The following CTNND2 variants were observed in gnomAD, a reference collection of about 807,000 sequenced individuals.
CTNND2 encodes the protein catenin delta 2.
In CTNND2, 22 loss-of-function variants were observed where a neutral mutation model predicts 144.4. The observed-to-expected ratio is 0.15, with a 90% confidence interval of 0.11 to 0.22. The LOEUF is 0.22. CTNND2 is among the 10% of genes least tolerant of loss of function. The pLI, the probability that CTNND2 is intolerant of heterozygous loss-of-function variation, is 1.00. For synonymous variants in CTNND2, 751 were observed against 695.6 expected (o/e 1.08, Z -1.25); for missense variants, 1,353 against 1,618.8 (o/e 0.84, Z 2.82).
In CTNND2 at chr5:11,123,656, G is replaced by T. The variant is rs576285480; in HGVS notation, c.2160-6089C>A. ...CTCTGCTGCATCAGAATCAGCTTTG[G>T]AGCTTGATTAAAATACAAAGGCGCA... is the stretch of plus-strand genomic sequence containing the variant. On this transcript the variant is annotated intron_variant, in intron 12 of 21. Coordinates refer to ENST00000304623, the MANE Select transcript of CTNND2 (RefSeq NM_001332.4). 4.9e-4 allele frequency among the ~76,000 whole-genome samples: 75 copies of T among 152,330 alleles called. 1 individual carries two copies. Among genetic ancestry groups the T allele is most frequent in the African/African-American group, 1.8e-3 (73 of 41,558 alleles).
At chr5:11,039,611 G>A (rs1347191946) in intron 16 of CTNND2, among the ~76,000 whole-genome samples, 1 of 152,146 alleles carries the variant, frequency 6.6e-6, no homozygotes, top group Non-Finnish European at 1.5e-5. Flanking sequence ...TAATTGATTA[G>A]AGATTTATTC....
intron 9 of CTNND2, among the ~76,000 whole-genome samples, chr5:11,261,820 C>T (rs934215752): frequency 6.6e-6 from 1 of 152,112 alleles, no homozygotes; most frequent in South Asian, 2.1e-4. Flanking sequence ...TGAATGGGCC[C>T]ACAATTTTCC....
At chr5:11,781,793 A>T (rs960473153) in intron 1 of CTNND2, among the ~76,000 whole-genome samples, 3 of 152,214 alleles carry the variant, frequency 2.0e-5, no homozygotes, top group African/African-American at 7.2e-5. Context: ...TACCCATTTG[A>T]TCTTCTCCCC....
rs1757616655 is a variant in CTNND2, at chr5:11,150,246, C to T, written c.2159+9330G>A. On this transcript the variant is annotated intron_variant, in intron 12 of 21. Transcript: ENST00000304623. ...GAAAAGAACCCAGGGAACCAGACCT[C>T]CCGCTGAGCCTCCACCGCCCCCGCC... is the stretch of plus-strand genomic sequence containing the variant. 2.0e-5 allele frequency among the ~76,000 whole-genome samples: 3 copies of T among 152,278 alleles called. No homozygotes were observed. The South Asian group carries it at 6.2e-4, about 32-fold the overall frequency.
At chr5:11,381,640 G>GTAC (rs1174273599) in intron 7 of CTNND2, among the ~76,000 whole-genome samples, 1 of 152,202 alleles carries the variant, frequency 6.6e-6, no homozygotes, top group Non-Finnish European at 1.5e-5. Context: ...TAAGTACTGT[G>GTAC]TACTAACTAA....
intron 2 of CTNND2, among the ~76,000 whole-genome samples, chr5:11,608,173 A>G (rs12518308): frequency 0.012 from 1,766 of 152,288 alleles, 68 homozygotes; most frequent in Admixed American, 0.068. Flanking sequence ...CTGAAACACT[A>G]TGATTCATAG....
At chr5:11,486,212 T>C (rs10075416) in intron 3 of CTNND2, among the ~76,000 whole-genome samples, 4 of 152,010 alleles carry the variant, frequency 2.6e-5, no homozygotes, top group African/African-American at 9.7e-5. Context: ...GGTGATAAAA[T>C]CCAGTAGATC....
intron 7 of CTNND2, among the ~76,000 whole-genome samples, chr5:11,371,078 C>A (rs1293380184): frequency 6.6e-6 from 1 of 151,550 alleles, no homozygotes; most frequent in Non-Finnish European, 1.5e-5. Flanking sequence ...TTTTCCCTTG[C>A]AAATCTACAC....
intron 10 of CTNND2, among the ~76,000 whole-genome samples, chr5:11,231,361 A>T (rs1317413534): frequency 1.3e-5 from 2 of 152,172 alleles, no homozygotes; most frequent in Non-Finnish European, 2.9e-5. Context: ...TCAGAAGAAG[A>T]TATATAGAAG....
intron 3 of CTNND2, among the ~76,000 whole-genome samples, chr5:11,494,340 C>T (rs1050351389): frequency 1.2e-4 from 19 of 152,114 alleles, no homozygotes; most frequent in African/African-American, 4.6e-4. Flanking sequence ...TGGTAACAGA[C>T]ATTTTTTGAA....
intron 1 of CTNND2, among the ~76,000 whole-genome samples, chr5:11,805,595 G>A (rs1160307902): frequency 6.6e-6 from 1 of 152,078 alleles, no homozygotes; most frequent in Non-Finnish European, 1.5e-5. Context: ...CCCCTTTGAA[G>A]AAAGCTAGAA....
chr5:11,161,927 G>A (rs2149771591), intron 11 of CTNND2, among the ~76,000 whole-genome samples: 1 of 152,222 alleles, frequency 6.6e-6, no homozygotes, highest in African/African-American at 2.4e-5. Flanking sequence ...TGAGGCAGGT[G>A]GATCACGAGG....
intron 9 of CTNND2, among the ~76,000 whole-genome samples, chr5:11,336,667 T>C (rs1206577384): frequency 6.6e-6 from 1 of 152,202 alleles, no homozygotes; most frequent in Non-Finnish European, 1.5e-5. Context: ...TAAATACATG[T>C]GTTTATACAC....
chr5:11,411,206 T>A (rs1761503050), intron 5 of CTNND2, among the ~76,000 whole-genome samples: 1 of 152,120 alleles, frequency 6.6e-6, no homozygotes, highest in East Asian at 1.9e-4. Context: ...AGACATTGTG[T>A]TGACTACAAA....
intron 9 of CTNND2, among the ~76,000 whole-genome samples, chr5:11,283,422 T>C (rs1370260851): frequency 2.0e-5 from 3 of 152,028 alleles, no homozygotes; most frequent in Non-Finnish European, 4.4e-5. Flanking sequence ...ACACCTGTAA[T>C]CTCAGCACTT....
intron 3 of CTNND2, among the ~76,000 whole-genome samples, chr5:11,497,077 G>A (rs1211341385): frequency 6.6e-6 from 1 of 152,172 alleles, no homozygotes; most frequent in Non-Finnish European, 1.5e-5. Context: ...CCTTGATGAA[G>A]GAAGAATGAA....
intron 3 of CTNND2, among the ~76,000 whole-genome samples, chr5:11,433,281 T>A (rs1434680231): frequency 6.6e-6 from 1 of 152,112 alleles, no homozygotes; most frequent in Non-Finnish European, 1.5e-5. Context: ...TTATTTACTA[T>A]AACATAAACA....
At chr5:11,242,201 G>A (rs1386827866) in intron 9 of CTNND2, among the ~76,000 whole-genome samples, 10 of 152,112 alleles carry the variant, frequency 6.6e-5, no homozygotes, top group South Asian at 2.1e-4. Flanking sequence ...CAGTAATAAC[G>A]TGAGCGCATA....
intron 10 of CTNND2, among the ~76,000 whole-genome samples, chr5:11,217,120 C>T (rs61750749): frequency 0.06 from 9,172 of 152,232 alleles, 388 homozygotes; most frequent in Admixed American, 0.11. Context: ...GTCCACAAAC[C>T]ACTGTTAAAT....
Sources: gnomAD v4.1 joint callset for allele counts (sites outside exome capture counted in the v4.1 genomes callset) on GRCh38, gnomAD v4.1.1 for gene constraint, MANE v1.5 for transcripts, NCBI Gene and HGNC (gene_info 2026-07-23, HGNC 2026-07-21) for gene names.